The following ZFYVE26 variants were observed in gnomAD, a reference collection of about 807,000 sequenced individuals.
The protein encoded by ZFYVE26 is zinc finger FYVE-type containing 26.
Under a neutral mutation model 276.5 loss-of-function variants are expected in ZFYVE26, and 181 were observed. That is an observed-to-expected ratio of 0.65 (90% CI 0.58 to 0.74). The LOEUF (loss-of-function observed/expected upper bound fraction) is 0.74, where lower values mean the gene tolerates loss of function less well. Among genes scored for constraint, ZFYVE26 ranks in the 30% least tolerant of loss-of-function variants. The probability of loss-of-function intolerance (pLI) is 0.00; values close to 1 mark genes in which losing one functional copy is unlikely to be tolerated. For missense variants in ZFYVE26, 2,821 were observed against 3,097.9 expected, an observed-to-expected ratio of 0.91 and a Z score of 2.12; for synonymous variants, 1,129 against 1,203.1, an observed-to-expected ratio of 0.94 and a Z score of 1.27.
At chr14:67,773,366 C>T (rs548901425) in intron 27 of ZFYVE26, among the ~76,000 whole-genome samples, 1 of 152,022 alleles carries the variant, frequency 6.6e-6, no homozygotes, top group Non-Finnish European at 1.5e-5. Context: ...GCCTAGGCAA[C>T]AAAGCAAGAT....
Position 67,798,562 on chromosome 14 carries a change from G to C in ZFYVE26, c.1700C>G (p.Pro567Arg). ...ARCQQYLCSI[P>R]DSLCLELLEN... ...CAGAAGCTCCAGGCACAGAGAGTCAGGAATACTGCACAGATACTGTTGACA... is the reference window on the plus strand; with the variant it reads ...CAGAAGCTCCAGGCACAGAGAGTCACGAATACTGCACAGATACTGTTGACA... The change falls in exon 11 of 42, where the codon CCT (proline) becomes CGT (arginine). Residue 567 changes from proline to arginine, a missense_variant. Coordinates refer to ENST00000347230, the MANE Select transcript of ZFYVE26 (RefSeq NM_015346.4). 1.2e-6 allele frequency: 2 copies of C among 1,614,138 alleles called. No individual in the cohort carries two copies. The highest frequency in any genetic ancestry group is 1.7e-6 in the Non-Finnish European group (2 of 1,180,032).
rs761795382 is a variant in ZFYVE26, at chr14:67,797,702, G to T, written c.2302C>A (p.Arg768=). 6.2e-7 allele frequency: 1 copy of T among 1,614,074 alleles called. No individual in the cohort carries two copies. Among genetic ancestry groups the T allele is most frequent in the Non-Finnish European group, 8.5e-7 (1 of 1,180,048 alleles). ...TGGCTCCTTCTTGTCCGACGACCCCGGCGGAGACTGGGGTGACGTGTGGCA... is the reference window on the plus strand; with the variant it reads ...TGGCTCCTTCTTGTCCGACGACCCCTGCGGAGACTGGGGTGACGTGTGGCA... The part of the protein sequence containing the change: ...QPATRHPSLR[R]GRRTRRSQAD... Residue 768 remains arginine (R), a synonymous_variant, in exon 12 of 42, where the codon CGG becomes AGG. Coordinates refer to ENST00000347230, the MANE Select transcript of ZFYVE26 (RefSeq NM_015346.4).
intron 12 of ZFYVE26, among the ~76,000 whole-genome samples, chr14:67,794,926 G>C (rs2039916142): frequency 6.6e-6 from 1 of 152,188 alleles, no homozygotes; most frequent in African/African-American, 2.4e-5. Context: ...TTCAGCCTGG[G>C]TGACAGAGCA....
In ZFYVE26 at chr14:67,793,591, G is replaced by T; in HGVS notation, c.2553+17C>A. ...GCTAAGTCATTCAGGGGCTGAAAAG[G>T]TATGGCCTCCCCTCACCTGATGGGC... On this transcript the variant is annotated intron_variant, in intron 14 of 41. Transcript: ENST00000347230. 1.2e-6 allele frequency: 2 copies of T among 1,612,448 alleles called. No homozygotes were observed. The highest frequency in any genetic ancestry group is 1.7e-5 in the Admixed American group (1 of 59,792).
At chr14:67,810,417 T>C (rs1169048532) in intron 3 of ZFYVE26, among the ~76,000 whole-genome samples, 1 of 152,250 alleles carries the variant, frequency 6.6e-6, no homozygotes, top group African/African-American at 2.4e-5. Flanking sequence ...TGCCAGTACC[T>C]CACAGGTACT....
downstream of ZFYVE26, among the ~76,000 whole-genome samples, chr14:67,745,645 C>A (rs543532302): frequency 6.6e-6 from 1 of 151,984 alleles, no homozygotes; most frequent in South Asian, 2.1e-4. Context: ...CCCCAAAGAC[C>A]CTACACCTGG....
exon 14 of ZFYVE26, chr14:67,729,626 C>G (rs906368365): frequency 1.6e-6 from 1 of 621,890 alleles, no homozygotes; most frequent in African/African-American, 1.8e-5. Flanking sequence ...AACTTTGCAG[C>G]TTTCTGAAAG....
At chr14:67,757,335 TG>T (rs1038306489) in intron 35 of ZFYVE26, among the ~76,000 whole-genome samples, 11 of 152,248 alleles carry the variant, frequency 7.2e-5, no homozygotes, top group Non-Finnish European at 1.5e-4. Flanking sequence ...AGGTCCTGTG[TG>T]ATTTGGCCTG....
At chr14:67,742,388 A>C (rs1166271520), downstream of ZFYVE26, among the ~76,000 whole-genome samples, 1 of 152,224 alleles carries the variant, frequency 6.6e-6, no homozygotes, top group Non-Finnish European at 1.5e-5. Flanking sequence ...AAAATGGTTA[A>C]AATGTTAAAT....
intron 22 of ZFYVE26, 127 bp from the exon 23 acceptor site, chr14:67,780,472 C>A (rs2039470231): frequency 4.7e-6 from 4 of 854,248 alleles, no homozygotes; most frequent in Non-Finnish European, 7.6e-6. Context: ...TCAGAACTTG[C>A]CAGAAAAGAG....
At chr14:67,732,095 C>T (rs1430955784) in intron 13 of ZFYVE26, among the ~76,000 whole-genome samples, 2 of 148,452 alleles carry the variant, frequency 1.3e-5, no homozygotes, top group Non-Finnish European at 3.0e-5. Flanking sequence ...CCACTGCACT[C>T]CAGCCTGGGC....
intron 23 of ZFYVE26, among the ~76,000 whole-genome samples, chr14:67,779,583 GA>G (rs765980066): frequency 6.6e-6 from 1 of 152,108 alleles, no homozygotes; most frequent in East Asian, 1.9e-4. Flanking sequence ...TAAAAATAAA[GA>G]TAAATAAAAA....
chr14:67,783,559 T>C (rs750528632), intron 20 of ZFYVE26, 34 bp from the exon 21 acceptor site: 4 of 1,607,724 alleles, frequency 2.5e-6, no homozygotes, highest in South Asian at 1.1e-5. Context: ...ATACAAGGCC[T>C]GAATACACAG....
intron 35 of ZFYVE26, among the ~76,000 whole-genome samples, chr14:67,758,230 G>T (rs2038839039): frequency 6.6e-6 from 1 of 152,180 alleles, no homozygotes; most frequent in Admixed American, 6.5e-5. Flanking sequence ...TTCATAGTGG[G>T]TGAGGGTTAG....
At chr14:67,785,535 C>G (rs985760725) in intron 18 of ZFYVE26, among the ~76,000 whole-genome samples, 5 of 152,112 alleles carry the variant, frequency 3.3e-5, no homozygotes, top group African/African-American at 1.2e-4. Flanking sequence ...ATCCTTGTCT[C>G]TGGGGTGGAA....
rs138588291 is a variant in ZFYVE26 at position 67,784,933 on chromosome 14, C to T, written c.3523+126G>A. 2.1e-4 allele frequency: 207 copies of T among 1,007,264 alleles called. 1 individual carries two copies. In the African/African-American group the frequency reaches 2.7e-3, roughly 13 times the overall value. The allele number at this position is 1,007,264 out of a possible 1,614,324, so 62.4% of individuals were successfully genotyped here. Reference sequence around the variant, plus strand: ...GCCAGAGATGAATAAGAGAGGACAACCTTATAAATCTAGTGTTCTTGGCTA... The same window carrying T: ...GCCAGAGATGAATAAGAGAGGACAATCTTATAAATCTAGTGTTCTTGGCTA... On this transcript the variant is annotated intron_variant, in intron 19 of 41. Coordinates refer to ENST00000347230, the MANE Select transcript of ZFYVE26 (RefSeq NM_015346.4).
intron 18 of ZFYVE26, 52 bp from the exon 19 acceptor site, chr14:67,785,329 G>T: frequency 1.3e-6 from 2 of 1,508,604 alleles, no homozygotes. Context: ...TGTGAGTCCA[G>T]CTTTGGGTCA....
At chr14:67,748,714 A>G (rs2038554728) in intron 41 of ZFYVE26, 75 bp from the exon 42 acceptor site, 4 of 1,520,566 alleles carry the variant, frequency 2.6e-6, no homozygotes, top group Non-Finnish European at 3.6e-6. Context: ...TGCAGCAGAA[A>G]GCTCGGGCAG....
intron 16 of ZFYVE26, 103 bp downstream of exon 16, chr14:67,789,232 C>G (rs2039743661): frequency 1.3e-6 from 2 of 1,515,548 alleles, no homozygotes; most frequent in East Asian, 2.2e-5. Flanking sequence ...CATTCACCAT[C>G]TGCCTCCTCC....
Sources: allele counts gnomAD v4.1 joint callset (sites outside exome capture counted in the v4.1 genomes callset), GRCh38; gene constraint gnomAD v4.1.1; transcripts MANE v1.5; gene names NCBI Gene and HGNC (gene_info 2026-07-23, HGNC 2026-07-21).